Variants in CDYL observed in about 807,000 individuals in gnomAD.
CDYL encodes chromodomain Y-like protein.
CDYL carries 8 observed loss-of-function variants against 47.3 expected under a neutral mutation model. The observed-to-expected ratio is 0.17, with a 90% confidence interval of 0.10 to 0.31. The LOEUF is 0.31. Ranked by LOEUF, CDYL falls within the 10% of genes least tolerant of loss-of-function variation. The probability of loss-of-function intolerance (pLI) is 1.00; values close to 1 mark genes in which losing one functional copy is unlikely to be tolerated. For synonymous variants in CDYL, 266 were observed against 265.0 expected (o/e 1.00, Z -0.04); for missense variants, 471 against 701.4 (o/e 0.67, Z 3.71).
In CDYL at chr6:4,895,876, T is replaced by C. The variant is rs2127489761; in HGVS notation, c.691+3497T>C. On this transcript the variant is annotated intron_variant, in intron 2 of 6. Transcript: ENST00000397588. ...TGACTTCCTTTCTAAAAAACATCCATCCACACATGTGGCATTGGTTAAACC... is the reference window on the plus strand; with the variant it reads ...TGACTTCCTTTCTAAAAAACATCCACCCACACATGTGGCATTGGTTAAACC... Among the ~76,000 whole-genome samples, 2 of 152,332 alleles carry C rather than the reference T, an allele frequency of 1.3e-5. 1 individual carries two copies. The highest frequency in any genetic ancestry group is 1.3e-4 in the Admixed American group (2 of 15,302).
intron 1 of CDYL, among the ~76,000 whole-genome samples, chr6:4,804,199 C>G (rs1359789113): frequency 1.3e-5 from 2 of 152,128 alleles, no homozygotes; most frequent in Non-Finnish European, 1.5e-5. Flanking sequence ...GCCACTCCCC[C>G]TGTTTTACAG....
At chr6:4,935,899 C>G in intron 3 of CDYL, 128 bp downstream of exon 3, 2 of 1,408,236 alleles carry the variant, frequency 1.4e-6, no homozygotes, top group Non-Finnish European at 1.9e-6. Flanking sequence ...CCGATGCCCA[C>G]CAGAAGGGAG....
intron 2 of CDYL, among the ~76,000 whole-genome samples, chr6:4,725,506 G>C (rs532999448): frequency 2.0e-5 from 3 of 152,222 alleles, no homozygotes; most frequent in South Asian, 2.1e-4. Context: ...GCTAAGGCCC[G>C]GCGAGAAGTC....
chr6:4,949,173 A>G (rs1441428645), intron 5 of CDYL, among the ~76,000 whole-genome samples: 2 of 152,254 alleles, frequency 1.3e-5, no homozygotes, highest in Non-Finnish European at 2.9e-5. Context: ...GGTGCCCAGT[A>G]GACATTCATG....
chr6:4,829,866 A>G (rs1379032568), intron 1 of CDYL, among the ~76,000 whole-genome samples: 2 of 152,228 alleles, frequency 1.3e-5, no homozygotes, highest in East Asian at 1.9e-4. Context: ...CCCACTGGGA[A>G]TGCAGGCTGT....
At chr6:4,832,674 T>G in intron 1 of CDYL, among the ~76,000 whole-genome samples, 5 of 148,936 alleles carry the variant, frequency 3.4e-5, no homozygotes, top group African/African-American at 1.3e-4. Context: ...CTTGTACCTC[T>G]GGTAGAATTC....
At chr6:4,837,609 C>A (rs779112651) in intron 1 of CDYL, among the ~76,000 whole-genome samples, 12 of 151,380 alleles carry the variant, frequency 7.9e-5, no homozygotes, top group Non-Finnish European at 1.8e-4. Context: ...GGATTACAGG[C>A]GAGTGTTACC....
At chr6:4,719,357 G>A (rs1281752349) in intron 2 of CDYL, among the ~76,000 whole-genome samples, 2 of 151,960 alleles carry the variant, frequency 1.3e-5, no homozygotes, top group Admixed American at 1.3e-4. Context: ...TGTGGTTAAC[G>A]GTATTAATAC....
chr6:4,716,283 G>C (rs944693922), intron 2 of CDYL, among the ~76,000 whole-genome samples: 1 of 151,508 alleles, frequency 6.6e-6, no homozygotes, highest in East Asian at 1.9e-4. Context: ...TATGTAGTCA[G>C]AAATTGTTCA....
At chr6:4,944,832 G>A (rs537584830) in intron 5 of CDYL, among the ~76,000 whole-genome samples, 49 of 152,302 alleles carry the variant, frequency 3.2e-4, no homozygotes, top group African/African-American at 1.1e-3. Context: ...AAGAAACCTG[G>A]CAGCTACCAC....
chr6:4,793,217 G>A (rs933952668), intron 1 of CDYL, among the ~76,000 whole-genome samples: 4 of 152,140 alleles, frequency 2.6e-5, no homozygotes, highest in African/African-American at 9.7e-5. Flanking sequence ...GTACTGCATC[G>A]CGTTCATGGA....
At chr6:4,725,593 TTGCGGGCGGACC>T (rs1040608075) in intron 2 of CDYL, among the ~76,000 whole-genome samples, 4 of 152,220 alleles carry the variant, frequency 2.6e-5, no homozygotes, top group Non-Finnish European at 4.4e-5. Flanking sequence ...CCTCCGGGGC[TTGCGGGCGGACC>T]TGCCCGCCGA....
intron 5 of CDYL, among the ~76,000 whole-genome samples, chr6:4,945,269 G>T (rs1758477645): frequency 6.6e-6 from 1 of 152,182 alleles, no homozygotes; most frequent in African/African-American, 2.4e-5. Context: ...CTGCCTGAAG[G>T]TTTATGGGAA....
chr6:4,717,010 T>C (rs1757277805), intron 2 of CDYL, among the ~76,000 whole-genome samples: 1 of 152,106 alleles, frequency 6.6e-6, no homozygotes. Context: ...TCAGGTCAGT[T>C]CTGGGAATGA....
chr6:4,837,367 A>C (rs953028228), intron 1 of CDYL, among the ~76,000 whole-genome samples: 1 of 152,216 alleles, frequency 6.6e-6, no homozygotes, highest in Non-Finnish European at 1.5e-5. Context: ...TTATTAAAAA[A>C]ATTTTCAAAA....
rs114679587 is a variant in CDYL, at chr6:4,892,333, C to T, written c.645C>T (p.Gly215=). 7,653 of 1,613,708 alleles carry T rather than the reference C, an allele frequency of 4.7e-3. 20 individuals are homozygous for T. Among genetic ancestry groups the T allele is most frequent in the Non-Finnish European group, 5.8e-3 (6,794 of 1,179,850 alleles). Residue 215 remains glycine, a synonymous_variant, in exon 2 of 7, where the codon GGC becomes GGT. Transcript: ENST00000397588. The part of the protein sequence containing the change: ...RIHPLVPQVP[G]PVTAAMATGL... ...ACCCACTAGTGCCTCAGGTGCCCGG[C>T]CCTGTGACTGCAGCCATGGCCACAG...
intron 1 of CDYL, among the ~76,000 whole-genome samples, chr6:4,837,540 G>T (rs1369749122): frequency 7.2e-6 from 1 of 139,374 alleles, no homozygotes; most frequent in Non-Finnish European, 1.5e-5. Context: ...TCTTGGCTCA[G>T]TGCAACCTCC....
At chr6:4,913,402 A>AGT (rs1757467628) in intron 2 of CDYL, among the ~76,000 whole-genome samples, 1 of 152,208 alleles carries the variant, frequency 6.6e-6, no homozygotes, top group Non-Finnish European at 1.5e-5. Context: ...AAAAGCAAAA[A>AGT]GTGTGTGGCA....
chr6:4,843,436 TTCTTC>T (rs1760561217), intron 1 of CDYL, among the ~76,000 whole-genome samples: 1 of 151,782 alleles, frequency 6.6e-6, no homozygotes, highest in African/African-American at 2.4e-5. Context: ...TAGATTTCTC[TTCTTC>T]CTCAGTAACA....
Sources: gnomAD v4.1 joint callset for allele counts (sites outside exome capture counted in the v4.1 genomes callset) on GRCh38, gnomAD v4.1.1 for gene constraint, MANE v1.5 for transcripts, NCBI Gene and HGNC (gene_info 2026-07-23, HGNC 2026-07-21) for gene names.